The following GRID2IP variants were observed in gnomAD, a reference collection of about 807,000 sequenced individuals.
GRID2IP encodes Grid2 interacting protein, also known as delphilin.
In GRID2IP, 78 loss-of-function variants were observed where a neutral mutation model predicts 114.3. The ratio of observed to expected loss-of-function variants is 0.68; its 90% CI spans 0.57 to 0.82. The LOEUF is 0.82. Among genes scored for constraint, GRID2IP ranks in the 40% least tolerant of loss-of-function variants. The pLI, the probability that GRID2IP is intolerant of heterozygous loss-of-function variation, is 0.00. For synonymous variants in GRID2IP, 809 were observed against 724.0 expected (o/e 1.12, Z -1.89); for missense variants, 1,727 against 1,678.5 (o/e 1.03, Z -0.51).
rs1193681328 is a variant in GRID2IP at position 6,519,060 on chromosome 7, A to G, written c.1268+1518T>C. 6.6e-6 allele frequency among the ~76,000 whole-genome samples: 1 copy of G among 152,078 alleles called. No individual in the cohort carries two copies. The highest frequency in any genetic ancestry group is 2.4e-5 in the African/African-American group (1 of 41,434). On this transcript the variant is annotated intron_variant, in intron 7 of 21. Coordinates refer to ENST00000457091, the MANE Select transcript of GRID2IP (RefSeq NM_001145118.2). The surrounding 1 kb of genome is among the most constrained non-coding windows in gnomAD (Gnocchi z 4.1). ...CAGCCTCCCAAGTAGCTGGAACTAC[A>G]GGTGCGCACCACCATGCCCAGCTAA...
At chr7:6,517,111 G>A (rs932137209) in intron 7 of GRID2IP, among the ~76,000 whole-genome samples, 6 of 150,828 alleles carry the variant, frequency 4.0e-5, no homozygotes, top group Admixed American at 3.3e-4. Context: ...CTGGAGTGCA[G>A]TGGCACAATC....
chr7:6,506,006 A>G lies in GRID2IP; in HGVS notation c.2545-99T>C. 1.3e-6 allele frequency: 1 copy of G among 755,442 alleles called. No homozygotes were observed. The highest frequency in any genetic ancestry group is 2.2e-6 in the Non-Finnish European group (1 of 447,724). 46.8% of individuals were successfully genotyped at this position (755,442 alleles called of 1,614,324 possible). A position where few individuals can be genotyped will look rare whatever the true frequency, so the allele number is the denominator to read the frequency against. Reference sequence around the variant, plus strand: ...TGAGGGCTGCCATAGGGGCTTCCCGAGCAAAAGCACCCATCAGGTGCTGGG... The same window carrying G: ...TGAGGGCTGCCATAGGGGCTTCCCGGGCAAAAGCACCCATCAGGTGCTGGG... On this transcript the variant is annotated intron_variant, in intron 13 of 21. Transcript: ENST00000457091. This position sits in a 1 kb window ranked among gnomAD's most constrained non-coding sequence, Gnocchi z 5.2.
Position 6,528,080 on chromosome 7 carries a change from T to G in GRID2IP, c.585-1311A>C, listed in dbSNP as rs1779550781. On this transcript the variant is annotated intron_variant, in intron 2 of 21. Transcript: ENST00000457091. This position sits in a 1 kb window ranked among gnomAD's most constrained non-coding sequence, Gnocchi z 6.0. ...ATTTTTTTTTCTTTTTAATTTTTTT[T>G]GTAGAGATGAGGCTCTATGTTGCCC... 6.6e-6 allele frequency among the ~76,000 whole-genome samples: 1 copy of G among 151,126 alleles called. No homozygotes were observed. The highest frequency in any genetic ancestry group is 2.4e-5 in the African/African-American group (1 of 41,158).
intron 1 of GRID2IP, among the ~76,000 whole-genome samples, chr7:6,541,573 A>G (rs1262877415): frequency 2.0e-5 from 3 of 152,224 alleles, no homozygotes; most frequent in African/African-American, 7.2e-5. Flanking sequence ...ATTGGAAATG[A>G]GCGTGCAAAT....
chr7:6,549,619 G>A (rs1025053054), intron 1 of GRID2IP, among the ~76,000 whole-genome samples: 2 of 152,050 alleles, frequency 1.3e-5, no homozygotes, highest in African/African-American at 4.8e-5. Flanking sequence ...TTTTTTTGGA[G>A]GTGGGGAATG....
intron 2 of GRID2IP, among the ~76,000 whole-genome samples, chr7:6,535,726 C>G (rs1304983429): frequency 2.0e-5 from 3 of 152,048 alleles, no homozygotes; most frequent in Admixed American, 2.0e-4. Context: ...AACCTTGTCT[C>G]TCCTCAATGT....
intron 20 of GRID2IP, 28 bp downstream of exon 20, chr7:6,501,753 G>T: frequency 2.0e-6 from 3 of 1,489,116 alleles, no homozygotes; most frequent in Non-Finnish European, 2.8e-6. Flanking sequence ...ATCCAGCCTG[G>T]TGCAGGAACA....
chr7:6,510,781 A>G (rs1374369398), intron 9 of GRID2IP, 75 bp from the exon 10 acceptor site: 4 of 1,476,184 alleles, frequency 2.7e-6, no homozygotes, highest in African/African-American at 1.4e-5. Flanking sequence ...CATGCCCCGC[A>G]GACCCAGGAG....
In GRID2IP at chr7:6,497,594, A is replaced by C; in HGVS notation, c.*180T>G. 1.9e-6 allele frequency: 1 copy of C among 528,076 alleles called. No homozygotes were observed. Among genetic ancestry groups the C allele is most frequent in the Non-Finnish European group, 3.4e-6 (1 of 297,286 alleles). The allele number at this position is 528,076 out of a possible 1,614,324, so 32.7% of individuals were successfully genotyped here. On this transcript the variant is annotated 3_prime_UTR_variant, in exon 22 of 22. Transcript: ENST00000457091. ...AGCATCTGGCTCTGGGCCTGGGGGT[A>C]GGAACAAGGGCTGGCAGAGGAGGGC... is the stretch of plus-strand genomic sequence containing the variant.
In GRID2IP at chr7:6,551,102, G is replaced by T; in HGVS notation, c.335C>A (p.Ala112Asp). The T allele has an allele frequency of 2.3e-6, 3 of 1,304,956 alleles. No individual in the cohort carries two copies. The highest frequency in any genetic ancestry group is 2.9e-6 in the Non-Finnish European group (3 of 1,031,046). 80.8% of individuals were successfully genotyped at this position (1,304,956 alleles called of 1,614,324 possible). The change falls in exon 1 of 22, where the codon GCT becomes GAT. Residue 112 changes from alanine (A) to aspartate (D), a missense_variant. Ala to Asp is a moderately radical substitution (Grantham distance 126). Coordinates refer to ENST00000457091, the MANE Select transcript of GRID2IP (RefSeq NM_001145118.2). ...CAGGCGAAGCAGCTCACGGCCCAGA[G>T]CTAGGCCGCGGCCGCACCGCGGGGC... is the stretch of plus-strand genomic sequence containing the variant. ...LRAPRCGRGL[A>D]LGRELLRLAG...
At chr7:6,539,232 A>C (rs1779777059) in intron 2 of GRID2IP, among the ~76,000 whole-genome samples, 1 of 151,754 alleles carries the variant, frequency 6.6e-6, no homozygotes, top group Non-Finnish European at 1.5e-5. Context: ...GGGTTCAAGC[A>C]ATCCTCCAGC....
At position 6,516,154 on chromosome 7, in the gene GRID2IP, T is replaced by C. The variant is rs1370896308; in HGVS notation, c.1269-1625A>G. On this transcript the variant is annotated intron_variant, in intron 7 of 21. Transcript: ENST00000457091. The surrounding 1 kb of genome is among the most constrained non-coding windows in gnomAD (Gnocchi z 4.3). ...TAAATAAAAATAAAGTAGGAGAATA[T>C]CTTTTGACCTAGAAGCAGGGAAGAG... Among the ~76,000 whole-genome samples, 1 of 151,148 alleles carries C rather than the reference T, an allele frequency of 6.6e-6. No individual in the cohort carries two copies. Among genetic ancestry groups the C allele is most frequent in the Non-Finnish European group, 1.5e-5 (1 of 67,758 alleles).
Position 6,521,375 on chromosome 7 carries a change from G to A in GRID2IP, c.1084+54C>T, listed in dbSNP as rs1779407804. 3 of 1,298,608 alleles carry A rather than the reference G, an allele frequency of 2.3e-6. No homozygotes were observed. Among genetic ancestry groups the A allele is most frequent in the East Asian group, 5.1e-5 (2 of 39,060 alleles). 80.4% of individuals were successfully genotyped at this position (1,298,608 alleles called of 1,614,324 possible). A position where few individuals can be genotyped will look rare whatever the true frequency, so the allele number is the denominator to read the frequency against. On this transcript the variant is annotated intron_variant, in intron 6 of 21. Coordinates refer to ENST00000457091, the MANE Select transcript of GRID2IP (RefSeq NM_001145118.2). The surrounding 1 kb of genome is among the most constrained non-coding windows in gnomAD (Gnocchi z 4.1). ...CGCACTGTGACTCTCACATATAGCA[G>A]CCTGGGCAGGGTCTCTGGGGGCCAA...
Position 6,497,676 on chromosome 7 carries a change from G to A in GRID2IP, c.*98C>T. 1 of 879,086 alleles carries A rather than the reference G, an allele frequency of 1.1e-6. No individual in the cohort carries two copies. The highest frequency in any genetic ancestry group is 1.7e-5 in the South Asian group (1 of 58,882). 54.5% of individuals were successfully genotyped at this position (879,086 alleles called of 1,614,324 possible). On this transcript the variant is annotated 3_prime_UTR_variant, in exon 22 of 22. Transcript: ENST00000457091. ...AGGAGAGGCTGGCGGTGTGCTCAGA[G>A]CCCGGGGCACAGTGGCCCCGGACCT...
chr7:6,520,827 T>C lies in GRID2IP; in HGVS notation c.1085-66A>G. On this transcript the variant is annotated intron_variant, in intron 6 of 21. Coordinates refer to ENST00000457091, the MANE Select transcript of GRID2IP (RefSeq NM_001145118.2). This position sits in a 1 kb window ranked among gnomAD's most constrained non-coding sequence, Gnocchi z 4.6. ...GTCCCCAGGCCAGGTGTAGTCTCCC[T>C]GGCTTTTGAGGTCAGGAGACCTCCT... is the stretch of plus-strand genomic sequence containing the variant. 3 of 1,463,018 alleles carry C rather than the reference T, an allele frequency of 2.1e-6. No homozygotes were observed. The highest frequency in any genetic ancestry group is 2.8e-6 in the Non-Finnish European group (3 of 1,084,316). The allele number at this position is 1,463,018 out of a possible 1,614,324, so 90.6% of individuals were successfully genotyped here.
intron 2 of GRID2IP, among the ~76,000 whole-genome samples, chr7:6,537,449 C>G (rs1222898879): frequency 1.5e-5 from 2 of 136,956 alleles, no homozygotes; most frequent in Non-Finnish European, 3.1e-5. Context: ...GTGATCTCAG[C>G]TCACCGCAAC....
chr7:6,511,379 G>GC (rs1449266135), intron 8 of GRID2IP, among the ~76,000 whole-genome samples: 317 of 149,380 alleles, frequency 2.1e-3, no homozygotes, highest in Non-Finnish European at 3.5e-3. Context: ...AAATAGAAGT[G>GC]TTTTTTTTTT....
intron 8 of GRID2IP, among the ~76,000 whole-genome samples, chr7:6,511,640 T>G (rs1779162717): frequency 6.6e-6 from 1 of 152,170 alleles, no homozygotes; most frequent in Admixed American, 6.6e-5. Context: ...CCCAAAGTGC[T>G]GGGATTACAG....
At position 6,520,703 on chromosome 7, in the gene GRID2IP, C is replaced by G; in HGVS notation, c.1143G>C (p.Val381=). Reference sequence around the variant, plus strand: ...GGATGCTGGACGGCAGGATCTCCGCCACCCACTGCAGGGAGGTGAGCGCCG... The same window carrying G: ...GGATGCTGGACGGCAGGATCTCCGCGACCCACTGCAGGGAGGTGAGCGCCG... ...PSSALTSLQW[V]AEILPSSIRV... is the part of the protein sequence containing the mutation. The change falls in exon 7 of 22, where the codon GTG becomes GTC. Residue 381 remains valine, a synonymous_variant. Transcript: ENST00000457091. This position sits in a 1 kb window ranked among gnomAD's most constrained non-coding sequence, Gnocchi z 4.6. The G allele has an allele frequency of 6.4e-7, 1 of 1,551,710 alleles. No homozygotes were observed. Among genetic ancestry groups the G allele is most frequent in the Non-Finnish European group, 8.7e-7 (1 of 1,147,000 alleles).
Sources: gnomAD v4.1 joint callset for allele counts (sites outside exome capture counted in the v4.1 genomes callset) on GRCh38, gnomAD v4.1.1 for gene constraint, Gnocchi (gnomAD v3.1) non-coding constraint, MANE v1.5 for transcripts, NCBI Gene and HGNC (gene_info 2026-07-23, HGNC 2026-07-21) for gene names.